PDGFRA: variants seen among roughly 807,000 people sequenced by gnomAD.
PDGFRA encodes platelet derived growth factor receptor alpha, also known as platelet-derived growth factor receptor alpha.
A neutral mutation model predicts 121.5 loss-of-function variants in PDGFRA; 25 were observed. The ratio of observed to expected loss-of-function variants is 0.21; its 90% CI spans 0.15 to 0.29. The LOEUF is 0.29. PDGFRA is among the 10% of genes least tolerant of loss of function. The pLI is 1.00. For missense variants in PDGFRA, 1,008 were observed against 1,345.1 expected (o/e 0.75, Z 3.92); for synonymous variants, 463 against 494.8 (o/e 0.94, Z 0.85).
At chr4:54,257,865 C>T (rs930598102) in intron 1 of PDGFRA, among the ~76,000 whole-genome samples, 3 of 152,164 alleles carry the variant, frequency 2.0e-5, no homozygotes, top group African/African-American at 7.2e-5. Context: ...ATTTTCTTTT[C>T]CCTTCCCACT....
chr4:54,261,023 G>C, intron 2 of PDGFRA, 72 bp from the exon 3 acceptor site: 2 of 1,342,730 alleles, frequency 1.5e-6, no homozygotes, highest in Non-Finnish European at 2.1e-6. Context: ...TGCTACTGTT[G>C]CTTCTCTCAG....
Position 54,236,647 on chromosome 4 carries a change from C to G in PDGFRA, c.-13+7232C>G, listed in dbSNP as rs184810908. 2.3e-3 allele frequency among the ~76,000 whole-genome samples: 346 copies of G among 152,106 alleles called. 1 individual carries two copies. The highest frequency in any genetic ancestry group is 8.0e-3 in the African/African-American group (334 of 41,524). ...TGAAACCCTGTCTGTACTAAAAATA[C>G]AAGAAATTAGCTGGCCATGATGGTG... On this transcript the variant is annotated intron_variant, in intron 1 of 22. Coordinates refer to ENST00000257290, the MANE Select transcript of PDGFRA (RefSeq NM_006206.6).
At position 54,261,251 on chromosome 4, in the gene PDGFRA, T is replaced by C. The variant is rs757101121; in HGVS notation, c.206T>C (p.Val69Ala). ...ATGTCTGAAGAAGAGAGCTCCGATG[T>C]GGAAATCAGAAATGAAGAAAACAAC... ...YPMSEEESSD[V>A]EIRNEENNSG... The change falls in exon 3 of 23, where the codon GTG becomes GCG. Residue 69 changes from valine to alanine, a missense_variant. Coordinates refer to ENST00000257290, the MANE Select transcript of PDGFRA (RefSeq NM_006206.6). 23 of 1,614,114 alleles carry C rather than the reference T, an allele frequency of 1.4e-5. No homozygotes were observed. The South Asian group carries it at 2.3e-4, about 16-fold the overall frequency.
chr4:54,291,707 G>T (rs894066006), intron 22 of PDGFRA, among the ~76,000 whole-genome samples: 9 of 152,194 alleles, frequency 5.9e-5, no homozygotes, highest in Admixed American at 2.0e-4. Flanking sequence ...AGCTATTGTG[G>T]AAAGCAGTGT....
chr4:54,294,738 G>T (rs1247391705), intron 22 of PDGFRA, among the ~76,000 whole-genome samples: 1 of 152,164 alleles, frequency 6.6e-6, no homozygotes, highest in African/African-American at 2.4e-5. Context: ...GAGGCTTCCG[G>T]GAGAGCACCT....
intron 1 of PDGFRA, among the ~76,000 whole-genome samples, chr4:54,258,168 T>C (rs1158617498): frequency 6.6e-6 from 1 of 152,136 alleles, no homozygotes; most frequent in African/African-American, 2.4e-5. Flanking sequence ...TGCTTTTCCA[T>C]GCCCTGTTTA....
chr4:54,237,273 T>C (rs1030749147), intron 1 of PDGFRA, among the ~76,000 whole-genome samples: 5 of 152,196 alleles, frequency 3.3e-5, no homozygotes, highest in South Asian at 2.1e-4. Flanking sequence ...CCCGGCCTCA[T>C]TGGCCACTTT....
intron 8 of PDGFRA, 121 bp downstream of exon 8, chr4:54,270,869 G>C: frequency 1.4e-6 from 1 of 704,542 alleles, no homozygotes; most frequent in Non-Finnish European, 2.6e-6. Context: ...AGCAGTGTCT[G>C]CATATGTCAC....
At chr4:54,289,881 A>T (rs1454464710) in intron 21 of PDGFRA, among the ~76,000 whole-genome samples, 1 of 152,190 alleles carries the variant, frequency 6.6e-6, no homozygotes, top group Non-Finnish European at 1.5e-5. Context: ...GTGGGAAGAG[A>T]TTGAAGTTAT....
intron 1 of PDGFRA, 119 bp from the exon 2 acceptor site, chr4:54,258,638 A>T (rs1722506377): frequency 2.6e-6 from 2 of 768,316 alleles, no homozygotes; most frequent in African/African-American, 1.7e-5. Flanking sequence ...TTAACCTGGG[A>T]CATGTTTGAC....
rs561082994 is a variant in PDGFRA at position 54,261,112 on chromosome 4, T to G, written c.67T>G (p.Cys23Gly). Residue 23 changes from cysteine to glycine, a missense_variant, in exon 3 of 23, where the codon TGC becomes GGC. Cys to Gly is a radical substitution (Grantham distance 159). Coordinates refer to ENST00000257290, the MANE Select transcript of PDGFRA (RefSeq NM_006206.6). ...TTTTGCAGGGCTGAGCCTAATCCTC[T>G]GCCAGCTTTCATTACCCTCTATCCT... ...CLLTGLSLILCQLSLPSILPN... is the reference protein window; with the variant it reads ...CLLTGLSLILGQLSLPSILPN... 6.2e-7 allele frequency: 1 copy of G among 1,614,168 alleles called. No individual in the cohort carries two copies. Among genetic ancestry groups the G allele is most frequent in the South Asian group, 1.1e-5 (1 of 91,084 alleles).
At chr4:54,236,969 A>G (rs1721052035) in intron 1 of PDGFRA, among the ~76,000 whole-genome samples, 1 of 151,694 alleles carries the variant, frequency 6.6e-6, no homozygotes, top group Admixed American at 6.6e-5. Context: ...ACCTGTTTCC[A>G]TTGCCCACTT....
chr4:54,232,715 A>G (rs1375751140), intron 1 of PDGFRA, among the ~76,000 whole-genome samples: 14 of 151,986 alleles, frequency 9.2e-5, no homozygotes. Context: ...CTCCCGAGTA[A>G]CTGGGATTAC....
rs185943961 is a variant in PDGFRA at position 54,284,925 on chromosome 4, C to T, written c.2324-446C>T. Among the ~76,000 whole-genome samples, 1,050 of 145,686 alleles carry T rather than the reference C, an allele frequency of 7.2e-3. 7 individuals carry two copies. Among genetic ancestry groups the T allele is most frequent in the Middle Eastern group, 0.035 (10 of 288 alleles). On this transcript the variant is annotated intron_variant, in intron 16 of 22. Transcript: ENST00000257290. ...TTGAGACAGAGTCTCACTCTGTCACCCAGGCTGCAGTGCAGTGGTGTGATC... is the reference window on the plus strand; with the variant it reads ...TTGAGACAGAGTCTCACTCTGTCACTCAGGCTGCAGTGCAGTGGTGTGATC...
rs2110348661 is a variant in PDGFRA at position 54,290,448 on chromosome 4, G to A, written c.3016G>A (p.Gly1006Ser). ...AGACAAGCTGAAGGACTGGGAGGGT[G>A]GTCTGGATGAGCAGAGACTGAGCGC... is the stretch of plus-strand genomic sequence containing the variant. ...EEDKLKDWEG[G>S]LDEQRLSADS... The change falls in exon 22 of 23, where the codon GGT becomes AGT. Residue 1006 changes from glycine (G) to serine (S), a missense_variant. Gly to Ser is a moderately conservative substitution (Grantham distance 56). This residue lies in a region of PDGFRA where 204 missense variants were observed against 243.0 expected (regional missense o/e 0.84). Transcript: ENST00000257290. 6.2e-7 allele frequency: 1 copy of A among 1,613,994 alleles called. No individual in the cohort carries two copies. The highest frequency in any genetic ancestry group is 2.2e-5 in the East Asian group (1 of 44,878).
At chr4:54,285,627 G>C in intron 17 of PDGFRA, 141 bp downstream of exon 17, 2 of 734,776 alleles carry the variant, frequency 2.7e-6, no homozygotes, top group South Asian at 1.5e-5. Flanking sequence ...CATCCCCTAC[G>C]CAGGTCAGGG....
intron 2 of PDGFRA, among the ~76,000 whole-genome samples, chr4:54,259,389 C>A (rs1291139385): frequency 6.6e-6 from 1 of 152,226 alleles, no homozygotes; most frequent in Non-Finnish European, 1.5e-5. Context: ...TCATAACTCT[C>A]TTGAGGAAAG....
At chr4:54,270,876 T>C in intron 8 of PDGFRA, 128 bp downstream of exon 8, 1 of 697,864 alleles carries the variant, frequency 1.4e-6, no homozygotes, top group Non-Finnish European at 2.6e-6. Flanking sequence ...TCTGCATATG[T>C]CACATATCGG....
rs1021916491 is a variant in PDGFRA at position 54,297,595 on chromosome 4, C to T, written c.*2323C>T. On this transcript the variant is annotated 3_prime_UTR_variant, in exon 23 of 23. Transcript: ENST00000257290. ...CATCATGAGGCCGGATGAAACTTCT[C>T]AGTCCAGCAGTTTCCAGTCCTAACA... The T allele has an allele frequency of 1.3e-5, 3 of 233,568 alleles. No homozygotes were observed. The highest frequency in any genetic ancestry group is 1.2e-4 in the East Asian group (2 of 16,594). 14.5% of individuals were successfully genotyped at this position (233,568 alleles called of 1,614,324 possible). A position where few individuals can be genotyped will look rare whatever the true frequency, so the allele number is the denominator to read the frequency against.
Sources: gnomAD v4.1 joint callset for allele counts (sites outside exome capture counted in the v4.1 genomes callset) on GRCh38, gnomAD v4.1.1 for gene constraint, gnomAD v4.1.1 regional missense constraint, MANE v1.5 for transcripts, NCBI Gene and HGNC (gene_info 2026-07-23, HGNC 2026-07-21) for gene names.